The following MICU2 variants were observed in gnomAD, a reference collection of about 807,000 sequenced individuals.
MICU2 encodes mitochondrial calcium uptake 2.
MICU2 carries 64 observed loss-of-function variants against 60.4 expected under a neutral mutation model. That is an observed-to-expected ratio of 1.06 (90% CI 0.87 to 1.31). MICU2 has a LOEUF of 1.31. Among genes scored for constraint, MICU2 ranks in the 50% most tolerant of loss-of-function variants. The pLI, the probability that MICU2 is intolerant of heterozygous loss-of-function variation, is 0.00. For synonymous variants in MICU2, 201 were observed against 175.0 expected (o/e 1.15, Z -1.17); for missense variants, 569 against 531.0 (o/e 1.07, Z -0.70).
intron 2 of MICU2, 34 bp downstream of exon 2, chr13:21,566,763 T>A (rs956451654): frequency 1.3e-6 from 2 of 1,504,340 alleles, no homozygotes; most frequent in Non-Finnish European, 1.8e-6. Context: ...GAAGTCTGAT[T>A]TTTTTAATTA....
chr13:21,570,046 A>G (rs1333413749), intron 1 of MICU2, among the ~76,000 whole-genome samples: 1 of 152,214 alleles, frequency 6.6e-6, no homozygotes, highest in African/African-American at 2.4e-5. Flanking sequence ...TCAGAGAATA[A>G]ATAACAACAG....
In MICU2 at chr13:21,555,750, T is replaced by C. The variant is rs369233164; in HGVS notation, c.358+11047A>G. Among the ~76,000 whole-genome samples, 348 of 150,410 alleles carry C rather than the reference T, an allele frequency of 2.3e-3. 1 individual carries two copies. Among genetic ancestry groups the C allele is most frequent in the African/African-American group, 7.5e-3 (311 of 41,324 alleles). ...TGTAAACCTCAATACCTTCCCCCCC[T>C]CTTCACTCTCAGCTGATAACCTGGC... On this transcript the variant is annotated intron_variant, in intron 2 of 11. Transcript: ENST00000382374.
intron 2 of MICU2, among the ~76,000 whole-genome samples, chr13:21,566,199 T>C (rs1887977058): frequency 2.6e-5 from 4 of 152,162 alleles, no homozygotes; most frequent in Admixed American, 1.3e-4. Flanking sequence ...TGCTGCATAT[T>C]TATAGAGAGT....
chr13:21,498,805 T>C (rs954573074), intron 9 of MICU2, among the ~76,000 whole-genome samples: 1 of 132,970 alleles, frequency 7.5e-6, no homozygotes, highest in African/African-American at 2.6e-5. Context: ...TACAAGATGA[T>C]AGAGAGGGAA....
At chr13:21,560,052 A>C (rs942398973) in intron 2 of MICU2, among the ~76,000 whole-genome samples, 2 of 152,046 alleles carry the variant, frequency 1.3e-5, no homozygotes, top group African/African-American at 2.4e-5. Flanking sequence ...TTTTTAAAAA[A>C]ATTGTCTTTT....
At chr13:21,584,318 G>A (rs1343076984) in intron 1 of MICU2, among the ~76,000 whole-genome samples, 2 of 151,198 alleles carry the variant, frequency 1.3e-5, no homozygotes, top group South Asian at 4.2e-4. Flanking sequence ...GAAGCTGGGA[G>A]GCGGAGCTTG....
At chr13:21,539,595 G>A in intron 3 of MICU2, 62 bp downstream of exon 3, 1 of 1,606,084 alleles carries the variant, frequency 6.2e-7, no homozygotes, top group Non-Finnish European at 8.5e-7. Context: ...ACCGTGCCCG[G>A]CCAAAAGTTC....
In MICU2 at chr13:21,566,114, T is replaced by C. The variant is rs536037258; in HGVS notation, c.358+683A>G. Among the ~76,000 whole-genome samples, 4 of 152,292 alleles carry C rather than the reference T, an allele frequency of 2.6e-5. No homozygotes were observed. In the South Asian group the frequency reaches 6.2e-4, roughly 24 times the overall value. ...TCATCCCTCAATGTTTATAATGCTG[T>C]CCCATGTTCTCTCAGCCTTTTTGAA... On this transcript the variant is annotated intron_variant, in intron 2 of 11. Coordinates refer to ENST00000382374, the MANE Select transcript of MICU2 (RefSeq NM_152726.3).
intron 6 of MICU2, among the ~76,000 whole-genome samples, chr13:21,517,283 C>T (rs530331241): frequency 6.6e-6 from 1 of 152,306 alleles, no homozygotes; most frequent in South Asian, 2.1e-4. Flanking sequence ...ATTTGCTACT[C>T]AAATCACTTT....
intron 4 of MICU2, among the ~76,000 whole-genome samples, chr13:21,536,926 T>C (rs566632088): frequency 6.6e-6 from 1 of 152,344 alleles, no homozygotes; most frequent in African/African-American, 2.4e-5. Context: ...GGTCACTCCC[T>C]GAACCCTGAA....
chr13:21,558,353 C>T lies in MICU2; in HGVS notation c.358+8444G>A, dbSNP rs9550746. Among the ~76,000 whole-genome samples the T allele has an allele frequency of 3.9e-4, 60 of 152,244 alleles. 1 individual carries two copies. In the East Asian group the frequency reaches 8.9e-3, roughly 23 times the overall value. Reference sequence around the variant, plus strand: ...TGGGGTCCTTTGAAGGAATAATTTCCACTGTCAGTGTTTAATATTTGTAAT... The same window carrying T: ...TGGGGTCCTTTGAAGGAATAATTTCTACTGTCAGTGTTTAATATTTGTAAT... On this transcript the variant is annotated intron_variant, in intron 2 of 11. Transcript: ENST00000382374.
At chr13:21,551,439 TTTA>T (rs1887561325) in intron 2 of MICU2, 1 of 152,196 alleles carries the variant, frequency 6.6e-6, no homozygotes, top group South Asian at 2.1e-4. Context: ...TTATTTTATT[TTTA>T]AATTATTTTT....
At chr13:21,502,783 A>G in intron 9 of MICU2, 143 bp downstream of exon 9, 1 of 707,900 alleles carries the variant, frequency 1.4e-6, no homozygotes, top group African/African-American at 1.8e-5. Context: ...ACAGGAGAAG[A>G]GCATGTAGAG....
At position 21,503,016 on chromosome 13, in the gene MICU2, T is replaced by G. The variant is rs762221671; in HGVS notation, c.843A>C (p.Glu281Asp). The G allele has an allele frequency of 1.2e-6, 2 of 1,611,098 alleles. No homozygotes were observed. Among genetic ancestry groups the G allele is most frequent in the South Asian group, 1.1e-5 (1 of 89,956 alleles). ...FSKGLSFMRK[E>D]DFAEWLLFFT... is the part of the protein sequence containing the mutation. Reference sequence around the variant, plus strand: ...AAAAAAGTAGCCACTCTGCAAAGTCTTCTTTTCTCATGAAACTCAAACCTT... The same window carrying G: ...AAAAAAGTAGCCACTCTGCAAAGTCGTCTTTTCTCATGAAACTCAAACCTT... Residue 281 changes from glutamate to aspartate, a missense_variant, in exon 9 of 12, where the codon GAA (glutamate) becomes GAC (aspartate). Physicochemically the swap from Glu to Asp is conservative, Grantham distance 45. Transcript: ENST00000382374.
In MICU2 at chr13:21,509,168, G is replaced by A. The variant is rs141202662; in HGVS notation, c.761+836C>T. On this transcript the variant is annotated intron_variant, in intron 8 of 11. Coordinates refer to ENST00000382374, the MANE Select transcript of MICU2 (RefSeq NM_152726.3). ...TTTGGTTAGTGGAGTAGCACAGGGA[G>A]GTGCACTGTCTCACTATGCATGGCA... Among the ~76,000 whole-genome samples the A allele has an allele frequency of 2.6e-5, 4 of 152,308 alleles. No homozygotes were observed. The East Asian group carries it at 7.7e-4, about 29-fold the overall frequency.
At chr13:21,585,781 C>T (rs891300312) in intron 1 of MICU2, among the ~76,000 whole-genome samples, 3 of 152,088 alleles carry the variant, frequency 2.0e-5, no homozygotes, top group Non-Finnish European at 4.4e-5. Context: ...TTAAACATAA[C>T]GGTCCACATT....
intron 1 of MICU2, among the ~76,000 whole-genome samples, chr13:21,575,421 T>TAA (rs11369175): frequency 6.2e-4 from 88 of 140,974 alleles, no homozygotes; most frequent in African/African-American, 1.4e-3. Flanking sequence ...TTCGAATGAT[T>TAA]AAAAAAAAAA....
chr13:21,526,477 G>C (rs1373415894), intron 4 of MICU2, among the ~76,000 whole-genome samples: 1 of 151,964 alleles, frequency 6.6e-6, no homozygotes, highest in Non-Finnish European at 1.5e-5. Flanking sequence ...CTAAGATTCA[G>C]GTTTGATTTT....
At position 21,496,164 on chromosome 13, in the gene MICU2, A is replaced by C; in HGVS notation, c.934-4T>G. On this transcript the variant is annotated splice_region_variant and splice_polypyrimidine_tract_variant and intron_variant, in intron 9 of 11. Coordinates refer to ENST00000382374, the MANE Select transcript of MICU2 (RefSeq NM_152726.3). Reference sequence around the variant, plus strand: ...TGAATTCATCCAAACTAATGCTCTAATAAAGTAAGAGTTTTTATTACAATT... The same window carrying C: ...TGAATTCATCCAAACTAATGCTCTACTAAAGTAAGAGTTTTTATTACAATT... The C allele has an allele frequency of 6.3e-7, 1 of 1,595,782 alleles. No homozygotes were observed. Among genetic ancestry groups the C allele is most frequent in the South Asian group, 1.1e-5 (1 of 88,616 alleles).
Sources: allele counts gnomAD v4.1 joint callset (sites outside exome capture counted in the v4.1 genomes callset), GRCh38; gene constraint gnomAD v4.1.1; transcripts MANE v1.5; gene names NCBI Gene and HGNC (gene_info 2026-07-23, HGNC 2026-07-21).